Variants in CFAP57 observed in about 807,000 individuals in gnomAD.
CFAP57 encodes the protein cilia and flagella associated protein 57.
Under a neutral mutation model 146.8 loss-of-function variants are expected in CFAP57, and 116 were observed. That is an observed-to-expected ratio of 0.79 (90% CI 0.68 to 0.92). The LOEUF (loss-of-function observed/expected upper bound fraction) is 0.92. CFAP57 is among the 40% of genes least tolerant of loss of function. The pLI, the probability that CFAP57 is intolerant of heterozygous loss-of-function variation, is 0.00. For synonymous variants in CFAP57, 518 were observed against 552.8 expected (o/e 0.94, Z 0.88); for missense variants, 1,377 against 1,527.2 (o/e 0.90, Z 1.64).
At chr1:43,236,628 A>AGCCGG (rs1388973988) in intron 21 of CFAP57, among the ~76,000 whole-genome samples, 210 of 133,200 alleles carry the variant, frequency 1.6e-3, no homozygotes, top group African/African-American at 5.4e-3. Flanking sequence ...GGCAATTTCC[A>AGCCGG]GCCGGGCGCA....
intron 16 of CFAP57, 51 bp from the exon 17 acceptor site, chr1:43,223,995 G>A: frequency 6.5e-7 from 1 of 1,544,720 alleles, no homozygotes; most frequent in Non-Finnish European, 8.7e-7. Flanking sequence ...GGGAGGGATG[G>A]AGATGAGTTC....
chr1:43,172,890 A>T lies in CFAP57; in HGVS notation c.137A>T (p.Lys46Ile). Residue 46 changes from lysine to isoleucine, a missense_variant, in exon 2 of 23, where the codon AAA becomes ATA. Physicochemically the swap from Lys to Ile is moderately radical, Grantham distance 102. Transcript: ENST00000372492. ...NHCVKYNVDQ[K>I]WQKFIPGSEK... ...TGTGTGAAGTACAATGTGGATCAGAAATGGCAAAAATTCATTCCAGGTAAA... is the reference window on the plus strand; with the variant it reads ...TGTGTGAAGTACAATGTGGATCAGATATGGCAAAAATTCATTCCAGGTAAA... The T allele has an allele frequency of 6.2e-7, 1 of 1,614,174 alleles. No homozygotes were observed. The highest frequency in any genetic ancestry group is 8.5e-7 in the Non-Finnish European group (1 of 1,179,996).
In CFAP57 at chr1:43,206,587, T is replaced by C. The variant is rs549474153; in HGVS notation, c.1543-133T>C. The C allele has an allele frequency of 2.7e-4, 214 of 805,226 alleles. No homozygotes were observed. The African/African-American group carries it at 3.3e-3, about 13-fold the overall frequency. The allele number at this position is 805,226 out of a possible 1,614,324, so 49.9% of individuals were successfully genotyped here. On this transcript the variant is annotated intron_variant, in intron 9 of 22. Transcript: ENST00000372492. ...GTTCACAAGAAGCTATGTTTTGTGC[T>C]AACAGAAGGGCCTACAGCAGGAAAG... is the stretch of plus-strand genomic sequence containing the variant.
intron 3 of CFAP57, 149 bp downstream of exon 3, chr1:43,181,999 T>C: frequency 1.1e-6 from 1 of 933,916 alleles, no homozygotes; most frequent in Non-Finnish European, 1.6e-6. Flanking sequence ...ACAATCATTA[T>C]CCCCATTTTA....
chr1:43,180,249 T>TAC (rs1407181606), intron 2 of CFAP57, among the ~76,000 whole-genome samples: 14 of 144,332 alleles, frequency 9.7e-5, no homozygotes, highest in Admixed American at 6.9e-4. Context: ...AAAATATATA[T>TAC]ACACACATAT....
At position 43,227,115 on chromosome 1, in the gene CFAP57, C is replaced by T. The variant is rs1028719491; in HGVS notation, c.2998C>T (p.Gln1000Ter). 6.5e-7 allele frequency: 1 copy of T among 1,535,506 alleles called. No homozygotes were observed. The highest frequency in any genetic ancestry group is 8.8e-7 in the Non-Finnish European group (1 of 1,140,324). The change falls in exon 18 of 23, where the codon CAG becomes TAG. Residue 1000 changes from glutamine (Q) to a stop codon, truncating the protein, a stop_gained. Coordinates refer to ENST00000372492, the MANE Select transcript of CFAP57 (RefSeq NM_001378189.1). LOFTEE classifies it high-confidence loss of function. The part of the protein sequence containing the change: ...RENEIRVMKE[Q>*]IQEMEAELEN... ...GAATGAGATCAGGGTGATGAAGGAA[C>T]AGATTCAGGAGGTAAGAAGCCATTT...
chr1:43,206,738 A>G lies in CFAP57; in HGVS notation c.1561A>G (p.Asn521Asp), dbSNP rs2124474862. 1 of 1,614,028 alleles carries G rather than the reference A, an allele frequency of 6.2e-7. No homozygotes were observed. Among genetic ancestry groups the G allele is most frequent in the East Asian group, 2.2e-5 (1 of 44,868 alleles). ...HTGKIRSIVW[N>D]ADDSKLISGG... ...CCTGCAGATTCGCTCAATTGTGTGGAATGCAGATGATAGCAAACTGATTTC... is the reference window on the plus strand; with the variant it reads ...CCTGCAGATTCGCTCAATTGTGTGGGATGCAGATGATAGCAAACTGATTTC... Residue 521 changes from asparagine to aspartate, a missense_variant, in exon 10 of 23, where the codon AAT becomes GAT. Transcript: ENST00000372492.
intron 22 of CFAP57, among the ~76,000 whole-genome samples, chr1:43,251,680 A>G (rs1570385166): frequency 6.6e-6 from 1 of 152,262 alleles, no homozygotes; most frequent in South Asian, 2.1e-4. Flanking sequence ...GAATCATTGT[A>G]TACTACATGG....
chr1:43,219,486 G>T lies in CFAP57; in HGVS notation c.2196G>T (p.Glu732Asp), dbSNP rs1644963556. ...TGAACTATTCTGAGAAGATTAAGGA[G>T]CTAACAGACAAGTTCATCCAGGAAA... is the stretch of plus-strand genomic sequence containing the variant. Reference protein sequence around the residue: ...KDMNYSEKIKELTDKFIQEME... With the variant: ...KDMNYSEKIKDLTDKFIQEME... Residue 732 changes from glutamate to aspartate, a missense_variant, in exon 13 of 23, where the codon GAG (glutamate) becomes GAT (aspartate). Physicochemically the swap from Glu to Asp is conservative, Grantham distance 45. Transcript: ENST00000372492. 1 of 1,550,444 alleles carries T rather than the reference G, an allele frequency of 6.4e-7. No homozygotes were observed. The highest frequency in any genetic ancestry group is 1.2e-5 in the South Asian group (1 of 84,058).
rs201855104 is a variant in CFAP57 at position 43,220,811 on chromosome 1, AAAAG to A, written c.2248-553_2248-550del. On this transcript the variant is annotated intron_variant, in intron 13 of 22. Transcript: ENST00000372492. ...GGTCATAAAGTTCGGCTAAAAAAAA[AAAAG>A]AAAGAAAAACCTTGGCTATTAATTG... Among the ~76,000 whole-genome samples the A allele has an allele frequency of 5.2e-3, 785 of 152,178 alleles. 4 individuals are homozygous for A. The highest frequency in any genetic ancestry group is 0.018 in the African/African-American group (765 of 41,516).
In CFAP57 at chr1:43,234,614, C is replaced by T; in HGVS notation, c.3381C>T (p.Arg1127=). The T allele has an allele frequency of 6.5e-7, 1 of 1,550,342 alleles. No homozygotes were observed. Among genetic ancestry groups the T allele is most frequent in the South Asian group, 1.2e-5 (1 of 84,048 alleles). ...KKVVKEGELH[R]TDYVRIMQEN... ...TGGTCAAGGAGGGCGAGCTGCACCG[C>T]ACAGACTACGTCCGCATCATGCAGG... The change falls in exon 21 of 23, where the codon CGC becomes CGT. Residue 1127 remains arginine (R), a synonymous_variant. Coordinates refer to ENST00000372492, the MANE Select transcript of CFAP57 (RefSeq NM_001378189.1).
intron 21 of CFAP57, among the ~76,000 whole-genome samples, chr1:43,239,854 C>T (rs557716644): frequency 1.9e-4 from 29 of 152,284 alleles, no homozygotes; most frequent in African/African-American, 6.0e-4. Context: ...GTCCCTTATC[C>T]CTTGGTCTGT....
intron 2 of CFAP57, among the ~76,000 whole-genome samples, chr1:43,179,462 A>G (rs1326941742): frequency 6.6e-6 from 1 of 152,220 alleles, no homozygotes; most frequent in Non-Finnish European, 1.5e-5. Context: ...AATGAGCAAG[A>G]ATGGCCTCTG....
At position 43,234,643 on chromosome 1, in the gene CFAP57, C is replaced by G. The variant is rs1645616604; in HGVS notation, c.3405+5C>G. The G allele has an allele frequency of 6.5e-7, 1 of 1,547,558 alleles. No homozygotes were observed. The highest frequency in any genetic ancestry group is 1.4e-5 in the African/African-American group (1 of 72,970). ...GACTACGTCCGCATCATGCAGGTAC[C>G]TGCATGCTCCCCTCAGCCCCTGTGG... On this transcript the variant is annotated splice_donor_5th_base_variant and intron_variant, in intron 21 of 22. Transcript: ENST00000372492.
chr1:43,249,103 C>T (rs1319579731), intron 22 of CFAP57, among the ~76,000 whole-genome samples: 1 of 147,158 alleles, frequency 6.8e-6, no homozygotes, highest in Non-Finnish European at 1.5e-5. Context: ...ACCATGTTAG[C>T]CAGGATGGTC....
At chr1:43,216,702 C>T (rs991770947) in intron 12 of CFAP57, among the ~76,000 whole-genome samples, 9 of 152,182 alleles carry the variant, frequency 5.9e-5, no homozygotes, top group African/African-American at 2.2e-4. Flanking sequence ...TCCTCCTCCC[C>T]GCTTCTGTCC....
chr1:43,174,486 G>A (rs1645094570), intron 2 of CFAP57, among the ~76,000 whole-genome samples: 1 of 152,160 alleles, frequency 6.6e-6, no homozygotes, highest in Non-Finnish European at 1.5e-5. Context: ...TACCTGTGCT[G>A]GTAAGCACCT....
rs778819870 is a variant in CFAP57 at position 43,243,276 on chromosome 1, A to G, written c.3455A>G (p.Lys1152Arg). The G allele has an allele frequency of 9.7e-6, 15 of 1,550,200 alleles. No homozygotes were observed. Among genetic ancestry groups the G allele is most frequent in the Non-Finnish European group, 1.3e-5 (15 of 1,146,744 alleles). Reference protein sequence around the residue: ...KEINELRRELKFTRSQVYDLE... With the variant: ...KEINELRRELRFTRSQVYDLE... ...ATTAATGAGCTCCGCAGGGAGCTGA[A>G]GTTCACTCGGTCCCAAGTCTATGAC... Residue 1152 changes from lysine to arginine, a missense_variant, in exon 22 of 23, where the codon AAG becomes AGG. Coordinates refer to ENST00000372492, the MANE Select transcript of CFAP57 (RefSeq NM_001378189.1).
intron 5 of CFAP57, 122 bp downstream of exon 5, chr1:43,185,478 G>A (rs1003563123): frequency 7.3e-5 from 63 of 862,992 alleles, no homozygotes; most frequent in Non-Finnish European, 1.1e-4. Context: ...AGCAGAAATG[G>A]TGAAATGGTG....
Sources: gnomAD v4.1 joint callset for allele counts (sites outside exome capture counted in the v4.1 genomes callset) on GRCh38, gnomAD v4.1.1 for gene constraint, MANE v1.5 for transcripts, NCBI Gene and HGNC (gene_info 2026-07-23, HGNC 2026-07-21) for gene names.